Variants in ARL6IP6 observed in about 807,000 individuals in gnomAD.
The protein encoded by ARL6IP6 is ARF like GTPase 6 interacting protein 6.
In ARL6IP6, 22 loss-of-function variants were observed where a neutral mutation model predicts 21.5. That is an observed-to-expected ratio of 1.02 (90% CI 0.73 to 1.46). The LOEUF is 1.46. Among genes scored for constraint, ARL6IP6 ranks in the 40% most tolerant of loss-of-function variants. The pLI is 0.00. For missense variants in ARL6IP6, 388 were observed against 299.8 expected, an observed-to-expected ratio of 1.29 and a Z score of -2.17; for synonymous variants, 164 against 125.3, an observed-to-expected ratio of 1.31 and a Z score of -2.06.
At chr2:152,724,951 C>G (rs1355456595) in intron 2 of ARL6IP6, among the ~76,000 whole-genome samples, 2 of 151,680 alleles carry the variant, frequency 1.3e-5, no homozygotes, top group African/African-American at 4.8e-5. Context: ...TTTGCTTTTA[C>G]GGAATCTTAG....
intron 3 of ARL6IP6, among the ~76,000 whole-genome samples, chr2:152,741,110 A>G (rs1700787797): frequency 6.6e-6 from 1 of 152,100 alleles, no homozygotes; most frequent in South Asian, 2.1e-4. Flanking sequence ...TATGTATTTT[A>G]TCACCTAAAA....
At chr2:152,759,612 TAAG>T in intron 3 of ARL6IP6, 132 bp from the exon 4 acceptor site, 1 of 651,380 alleles carries the variant, frequency 1.5e-6, no homozygotes, top group Non-Finnish European at 2.7e-6. Flanking sequence ...CAATATTCTT[TAAG>T]TTTTGTATTC....
At chr2:152,721,466 G>A (rs923126311) in intron 2 of ARL6IP6, among the ~76,000 whole-genome samples, 3 of 151,920 alleles carry the variant, frequency 2.0e-5, no homozygotes, top group African/African-American at 7.3e-5. Context: ...CAGTGAAAAA[G>A]GTTATTCTAT....
intron 3 of ARL6IP6, among the ~76,000 whole-genome samples, chr2:152,741,272 A>G (rs1353770008): frequency 2.6e-5 from 4 of 152,214 alleles, no homozygotes; most frequent in Non-Finnish European, 5.9e-5. Flanking sequence ...TTCTTTATGC[A>G]TATTTTAAAA....
chr2:152,725,027 A>G (rs1181332502), intron 2 of ARL6IP6, among the ~76,000 whole-genome samples: 1 of 152,220 alleles, frequency 6.6e-6, no homozygotes, highest in African/African-American at 2.4e-5. Flanking sequence ...ACACTGTACA[A>G]TCAGGGCTCA....
chr2:152,728,360 C>G (rs1004034383), intron 2 of ARL6IP6, among the ~76,000 whole-genome samples: 1 of 152,114 alleles, frequency 6.6e-6, no homozygotes, highest in Non-Finnish European at 1.5e-5. Context: ...AAACCTTTCC[C>G]TAGTATAGGA....
At chr2:152,718,416 G>A (rs1010942134), upstream of ARL6IP6, 4 of 606,044 alleles carry the variant, frequency 6.6e-6, no homozygotes, top group Admixed American at 1.7e-4. Context: ...CTACAGCCCT[G>A]GGGTCGAGCT....
intron 2 of ARL6IP6, among the ~76,000 whole-genome samples, chr2:152,722,906 TCAAAA>T (rs760541220): frequency 3.3e-5 from 5 of 152,242 alleles, no homozygotes; most frequent in Middle Eastern, 3.4e-3. Context: ...AGACTCCAAC[TCAAAA>T]CAAAACAAAA....
intron 3 of ARL6IP6, among the ~76,000 whole-genome samples, chr2:152,738,354 A>G (rs1168823723): frequency 1.3e-5 from 2 of 152,162 alleles, no homozygotes; most frequent in East Asian, 3.9e-4. Context: ...CCCTCTTCTC[A>G]CAGCTCCACT....
intron 1 of ARL6IP6, among the ~76,000 whole-genome samples, chr2:152,719,367 A>G (rs1016192496): frequency 1.3e-5 from 2 of 152,230 alleles, no homozygotes; most frequent in Non-Finnish European, 2.9e-5. Flanking sequence ...TGAAAAGTGC[A>G]TATAATTAAA....
rs76701120 is a variant in ARL6IP6 at position 152,727,772 on chromosome 2, T to C, written c.454+7186T>C. ...AGGATATAACTGTATAGCTCATAGG[T>C]GTGTAGTAGGCTATATACCTAGGTT... On this transcript the variant is annotated intron_variant, in intron 2 of 3. Coordinates refer to ENST00000326446, the MANE Select transcript of ARL6IP6 (RefSeq NM_152522.7). 5.0e-4 allele frequency among the ~76,000 whole-genome samples: 76 copies of C among 152,276 alleles called. No homozygotes were observed. The East Asian group carries it at 0.013, about 26-fold the overall frequency.
In ARL6IP6 at chr2:152,718,913, A is replaced by C. The variant is rs1699483493; in HGVS notation, c.289A>C (p.Ser97Arg). Reference sequence around the variant, plus strand: ...TGGTATCTTTCCCGCGGCCGCGGGCAGCAGAGCCCAGCCTCGGCGGTGGCC... The same window carrying C: ...TGGTATCTTTCCCGCGGCCGCGGGCCGCAGAGCCCAGCCTCGGCGGTGGCC... ...RNGIFPAAAG[S>R]RAQPRRWPVQ... Residue 97 changes from serine (S) to arginine (R), a missense_variant, in exon 1 of 4, where the codon AGC becomes CGC. Transcript: ENST00000326446. 1.2e-6 allele frequency: 2 copies of C among 1,613,816 alleles called. No homozygotes were observed. The highest frequency in any genetic ancestry group is 1.7e-6 in the Non-Finnish European group (2 of 1,179,922).
At chr2:152,740,278 T>G (rs1371177913) in intron 3 of ARL6IP6, among the ~76,000 whole-genome samples, 1 of 152,108 alleles carries the variant, frequency 6.6e-6, no homozygotes, top group East Asian at 1.9e-4. Flanking sequence ...TTTTTTATTT[T>G]TTGTAGAGAC....
intron 2 of ARL6IP6, 53 bp downstream of exon 2, chr2:152,720,639 A>G (rs1478530073): frequency 6.0e-6 from 9 of 1,504,944 alleles, no homozygotes; most frequent in Non-Finnish European, 7.4e-6. Flanking sequence ...TTGTGTTTCT[A>G]GATCATGTTT....
intron 2 of ARL6IP6, among the ~76,000 whole-genome samples, chr2:152,721,467 G>A (rs1366240271): frequency 6.6e-6 from 1 of 152,076 alleles, no homozygotes; most frequent in Non-Finnish European, 1.5e-5. Flanking sequence ...AGTGAAAAAG[G>A]TTATTCTATA....
At chr2:152,750,052 C>T (rs1701250303) in intron 3 of ARL6IP6, among the ~76,000 whole-genome samples, 1 of 152,162 alleles carries the variant, frequency 6.6e-6, no homozygotes, top group South Asian at 2.1e-4. Flanking sequence ...TATTTATATC[C>T]TCTGCATCAT....
At chr2:152,735,350 TC>T (rs1415523394) in intron 3 of ARL6IP6, among the ~76,000 whole-genome samples, 4 of 151,318 alleles carry the variant, frequency 2.6e-5, no homozygotes, top group Non-Finnish European at 5.9e-5. Context: ...AAACTGAAAT[TC>T]AGGGGCTTAT....
chr2:152,742,497 G>T (rs1327383413), intron 3 of ARL6IP6, among the ~76,000 whole-genome samples: 1 of 148,944 alleles, frequency 6.7e-6, no homozygotes, highest in Non-Finnish European at 1.5e-5. Flanking sequence ...GATCCCAGGA[G>T]TTGAAGGCTG....
chr2:152,737,864 G>A, intron 3 of ARL6IP6, among the ~76,000 whole-genome samples: 1 of 152,066 alleles, frequency 6.6e-6, no homozygotes, highest in East Asian at 1.9e-4. Context: ...CAAATCTCAT[G>A]TCCTCACCTT....
Sources: allele counts gnomAD v4.1 joint callset (sites outside exome capture counted in the v4.1 genomes callset), GRCh38; gene constraint gnomAD v4.1.1; transcripts MANE v1.5; gene names NCBI Gene and HGNC (gene_info 2026-07-23, HGNC 2026-07-21).